The following KRT5 variants were observed in gnomAD, a reference collection of about 807,000 sequenced individuals.
KRT5 encodes the protein keratin 5, also known as keratin, type II cytoskeletal 5.
In KRT5, 17 loss-of-function variants were observed where a neutral mutation model predicts 44.0. The ratio of observed to expected loss-of-function variants is 0.39; its 90% CI spans 0.26 to 0.58. KRT5 has a LOEUF of 0.58. Ranked by LOEUF, KRT5 falls within the 20% of genes least tolerant of loss-of-function variation. The probability of loss-of-function intolerance (pLI) is 0.61; values close to 1 mark genes in which losing one functional copy is unlikely to be tolerated. For missense variants in KRT5, 737 were observed against 785.5 expected (o/e 0.94, Z 0.74); for synonymous variants, 329 against 312.8 (o/e 1.05, Z -0.55).
Position 52,514,843 on chromosome 12 carries a change from C to G in KRT5, c.*99G>C. Reference sequence around the variant, plus strand: ...CAATTGGCTTGGTCTAGACTACTCTCCAGAAAAGGATAAAACATGGCTTGA... The same window carrying G: ...CAATTGGCTTGGTCTAGACTACTCTGCAGAAAAGGATAAAACATGGCTTGA... On this transcript the variant is annotated 3_prime_UTR_variant, in exon 9 of 9. Coordinates refer to ENST00000252242, the MANE Select transcript of KRT5 (RefSeq NM_000424.4). The G allele has an allele frequency of 1.8e-6, 2 of 1,088,282 alleles. No individual in the cohort carries two copies. The highest frequency in any genetic ancestry group is 3.5e-5 in the Admixed American group (2 of 56,718). The allele number at this position is 1,088,282 out of a possible 1,614,324, so 67.4% of individuals were successfully genotyped here. A position where few individuals can be genotyped will look rare whatever the true frequency, so the allele number is the denominator to read the frequency against.
chr12:52,515,744 A>G, intron 8 of KRT5, 54 bp downstream of exon 8: 1 of 1,420,270 alleles, frequency 7.0e-7, no homozygotes, highest in East Asian at 2.3e-5. Context: ...CTGAGTTGGC[A>G]CTAAATATAT....
chr12:52,520,038 A>C lies in KRT5; in HGVS notation c.259T>G (p.Phe87Val), dbSNP rs61747188. The C allele has an allele frequency of 2.9e-3, 4,755 of 1,613,422 alleles. 121 individuals carry two copies. The African/African-American group carries it at 0.058, about 20-fold the overall frequency. Residue 87 changes from phenylalanine to valine, a missense_variant, in exon 1 of 9, where the codon TTT (phenylalanine) becomes GTT (valine). This residue lies in a region of KRT5 where 326 missense variants were observed against 333.1 expected (regional missense o/e 0.98). Transcript: ENST00000252242. ...STSGGSFRNR[F>V]GAGAGGGYGF... ...TAGCCGCCTCCAGCACCAGCACCAA[A>C]CCGGTTCCTGAAGCTGCCACCACTA...
intron 6 of KRT5, 119 bp from the exon 7 acceptor site, chr12:52,516,976 T>G (rs768061683): frequency 4.8e-5 from 72 of 1,499,028 alleles, no homozygotes; most frequent in Non-Finnish European, 6.1e-5. Context: ...ACATCGTGGG[T>G]GGCAGGACAC....
In KRT5 at chr12:52,519,931, G is replaced by A. The variant is rs757312484; in HGVS notation, c.366C>T (p.Gly122=). 3 of 1,612,546 alleles carry A rather than the reference G, an allele frequency of 1.9e-6. No individual in the cohort carries two copies. Among genetic ancestry groups the A allele is most frequent in the African/African-American group, 1.3e-5 (1 of 74,780 alleles). Residue 122 remains glycine (G), a synonymous_variant, in exon 1 of 9, where the codon GGC becomes GGT. Coordinates refer to ENST00000252242, the MANE Select transcript of KRT5 (RefSeq NM_000424.4). Reference sequence around the variant, plus strand: ...CAGGGCCACCGAAGCCACCTCCAAAGCCAGCTCCGCCACCGAGCCCAAAGC... The same window carrying A: ...CAGGGCCACCGAAGCCACCTCCAAAACCAGCTCCGCCACCGAGCCCAAAGC... ...GGGFGLGGGA[G]FGGGFGGPGF...
intron 2 of KRT5, 23 bp from the exon 3 acceptor site, chr12:52,518,186 G>C (rs1285497823): frequency 6.2e-7 from 1 of 1,612,544 alleles, no homozygotes; most frequent in East Asian, 2.2e-5. Flanking sequence ...GGGATGGGAA[G>C]TGTTTGTCAG....
intron 7 of KRT5, chr12:52,516,318 G>A (rs1171388423): frequency 2.4e-6 from 1 of 422,628 alleles, no homozygotes; most frequent in East Asian, 5.2e-5. Flanking sequence ...AAGGGTGGAT[G>A]GAGGTGGGCA....
chr12:52,517,167 G>A lies in KRT5; in HGVS notation c.1158C>T (p.Ile386=). 1.9e-6 allele frequency: 3 copies of A among 1,614,106 alleles called. No homozygotes were observed. The highest frequency in any genetic ancestry group is 1.6e-4 in the Middle Eastern group (1 of 6,062). Residue 386 remains isoleucine (I), a synonymous_variant, in exon 6 of 9, where the codon ATC becomes ATT. Coordinates refer to ENST00000252242, the MANE Select transcript of KRT5 (RefSeq NM_000424.4). ...TCTGGATCATCCGGTTCATCTCAGA[G>A]ATCTCATGCTTGGTGTTGCGGAGGT... ...GDDLRNTKHE[I]SEMNRMIQRL... is the part of the protein sequence containing the mutation.
chr12:52,518,250 T>C, intron 2 of KRT5, 87 bp from the exon 3 acceptor site: 1 of 1,290,352 alleles, frequency 7.7e-7, no homozygotes, highest in South Asian at 1.2e-5. Context: ...TAAGCCTACT[T>C]TTGCAGTGGG....
At position 52,517,945 on chromosome 12, in the gene KRT5, A is replaced by C. The variant is rs752571765; in HGVS notation, c.879T>G (p.Val293=). Residue 293 remains valine, a synonymous_variant, in exon 4 of 9, where the codon GTT becomes GTG. Transcript: ENST00000252242. ...AGTTAATCTCATCCATCAGTGCATC[A>C]ACCTTGGCCTCCAGCTCCACCTTGT... The part of the protein sequence containing the change: ...YMNKVELEAK[V]DALMDEINFM... 9.3e-5 allele frequency: 150 copies of C among 1,614,130 alleles called. No homozygotes were observed. Among genetic ancestry groups the C allele is most frequent in the Non-Finnish European group, 1.3e-4 (148 of 1,180,048 alleles).
At position 52,517,160 on chromosome 12, in the gene KRT5, T is replaced by C. The variant is rs766859647; in HGVS notation, c.1165A>G (p.Met389Val). ...LRNTKHEISE[M>V]NRMIQRLRAE... ...CTCAGCCTCTGGATCATCCGGTTCATCTCAGAGATCTCATGCTTGGTGTTG... is the reference window on the plus strand; with the variant it reads ...CTCAGCCTCTGGATCATCCGGTTCACCTCAGAGATCTCATGCTTGGTGTTG... Residue 389 changes from methionine to valine, a missense_variant, in exon 6 of 9, where the codon ATG (methionine) becomes GTG (valine). This residue lies in a region of KRT5 where 344 missense variants were observed against 351.6 expected (regional missense o/e 0.98). Transcript: ENST00000252242. The C allele has an allele frequency of 1.2e-6, 2 of 1,614,008 alleles. No individual in the cohort carries two copies. Among genetic ancestry groups the C allele is most frequent in the East Asian group, 2.2e-5 (1 of 44,880 alleles).
At chr12:52,515,574 A>G (rs1938597019) in intron 8 of KRT5, 1 of 639,118 alleles carries the variant, frequency 1.6e-6, no homozygotes, top group South Asian at 1.8e-5. Context: ...TCCAAGAAGC[A>G]TAGGATGCAT....
intron 6 of KRT5, 70 bp from the exon 7 acceptor site, chr12:52,516,927 G>T: frequency 6.3e-7 from 1 of 1,580,680 alleles, no homozygotes; most frequent in Non-Finnish European, 8.7e-7. Flanking sequence ...TTCTGGGTCA[G>T]ACAAACCAAA....
chr12:52,519,167 G>A lies in KRT5; in HGVS notation c.556-7C>T, dbSNP rs1410426948. 4 of 1,614,052 alleles carry A rather than the reference G, an allele frequency of 2.5e-6. No homozygotes were observed. The East Asian group carries it at 8.9e-5, about 36-fold the overall frequency. Reference sequence around the variant, plus strand: ...GCTGCTCCAGGAACCGCACCTGGAGGGGAGCAGGGTTTGAAGATAGAGAAA... The same window carrying A: ...GCTGCTCCAGGAACCGCACCTGGAGAGGAGCAGGGTTTGAAGATAGAGAAA... On this transcript the variant is annotated splice_region_variant and splice_polypyrimidine_tract_variant and intron_variant, in intron 1 of 8. Transcript: ENST00000252242.
At position 52,519,792 on chromosome 12, in the gene KRT5, G is replaced by A. The variant is rs746285968; in HGVS notation, c.505C>T (p.Arg169Cys). 1.3e-5 allele frequency: 21 copies of A among 1,613,952 alleles called. No homozygotes were observed. The highest frequency in any genetic ancestry group is 2.2e-5 in the East Asian group (1 of 44,878). The change falls in exon 1 of 9, where the codon CGC (arginine) becomes TGC (cysteine). Residue 169 changes from arginine to cysteine, a missense_variant. Physicochemically the swap from Arg to Cys is radical, Grantham distance 180. Transcript: ENST00000252242. ...PSIQRVRTEE[R>C]EQIKTLNNKF... ...TTGTTGAGGGTCTTGATCTGCTCGC[G>A]CTCCTCGGTCCTCACCCTCTGGATG...
At chr12:52,517,320 G>A (rs1938627026) in intron 5 of KRT5, 88 bp from the exon 6 acceptor site, 2 of 1,505,364 alleles carry the variant, frequency 1.3e-6, no homozygotes, top group Admixed American at 1.7e-5. Flanking sequence ...GTACTAAGTG[G>A]TGGCAAATAG....
In KRT5 at chr12:52,517,204, C is replaced by G; in HGVS notation, c.1121G>C (p.Arg374Pro). The change falls in exon 6 of 9, where the codon CGG becomes CCG. Residue 374 changes from arginine (R) to proline (P), a missense_variant. This residue lies in a region of KRT5 where 344 missense variants were observed against 351.6 expected (regional missense o/e 0.98). Coordinates refer to ENST00000252242, the MANE Select transcript of KRT5 (RefSeq NM_000424.4). The stretch of plus-strand genomic sequence containing the variant: ...GGTGTTGCGGAGGTCATCGCCATGC[C>G]GGCCAGCTGTCTGCTGCAGCTCCTC... ...KYEELQQTAG[R>P]HGDDLRNTKH... 1 of 1,614,016 alleles carries G rather than the reference C, an allele frequency of 6.2e-7. No homozygotes were observed. The highest frequency in any genetic ancestry group is 1.3e-5 in the African/African-American group (1 of 75,012).
intron 6 of KRT5, 121 bp from the exon 7 acceptor site, chr12:52,516,978 G>T: frequency 6.7e-7 from 1 of 1,494,652 alleles, no homozygotes; most frequent in Non-Finnish European, 9.3e-7. Flanking sequence ...ATCGTGGGTG[G>T]CAGGACACTG....
intron 5 of KRT5, 85 bp downstream of exon 5, chr12:52,517,505 A>G (rs1421707511): frequency 2.1e-6 from 3 of 1,440,580 alleles, no homozygotes; most frequent in East Asian, 4.5e-5. Context: ...AGGTTCCAGG[A>G]GCCCCATTCT....
chr12:52,520,188 G>T lies in KRT5; in HGVS notation c.109C>A (p.Arg37=), dbSNP rs370714132. 183 of 1,613,814 alleles carry T rather than the reference G, an allele frequency of 1.1e-4. No individual in the cohort carries two copies. The highest frequency in any genetic ancestry group is 1.5e-4 in the Non-Finnish European group (179 of 1,179,850). Residue 37 remains arginine (R), a synonymous_variant, in exon 1 of 9, where the codon CGG becomes AGG. Transcript: ENST00000252242. ...VSRTSFTSVS[R]SGGGGGGGFG... is the part of the protein sequence containing the mutation. ...CCACCACCACCGCCACCCCCGGACC[G>T]GGACACGGAGGTGAAGCTGGTGCGG...
Sources: allele counts gnomAD v4.1 joint callset, GRCh38; gene constraint gnomAD v4.1.1; regional missense constraint gnomAD v4.1.1; transcripts MANE v1.5; gene names NCBI Gene and HGNC (gene_info 2026-07-23, HGNC 2026-07-21).